FBN2: variants seen among roughly 807,000 people sequenced by gnomAD.
FBN2 encodes fibrillin 2, also known as fibrillin-2.
Under a neutral mutation model 355.6 loss-of-function variants are expected in FBN2, and 105 were observed. The observed-to-expected ratio is 0.30, with a 90% CI of 0.25 to 0.35. FBN2 has a LOEUF of 0.35. FBN2 is among the 10% of genes least tolerant of loss of function. The pLI is 1.00. For synonymous variants in FBN2, 1,350 were observed against 1,301.2 expected, an observed-to-expected ratio of 1.04 and a Z score of -0.81; for missense variants, 3,280 against 3,758.7, an observed-to-expected ratio of 0.87 and a Z score of 3.33.
At chr5:128,278,145 T>C in intron 57 of FBN2, 140 bp from the exon 58 acceptor site, 1 of 825,998 alleles carries the variant, frequency 1.2e-6, no homozygotes, top group Non-Finnish European at 2.0e-6. Context: ...CACCTGTTCA[T>C]CATTCAGGTG....
In FBN2 at chr5:128,276,079, G is replaced by A. The variant is rs776761421; in HGVS notation, c.7553C>T (p.Pro2518Leu). 18 of 1,613,548 alleles carry A rather than the reference G, an allele frequency of 1.1e-5. No individual in the cohort carries two copies. Among genetic ancestry groups the A allele is most frequent in the Non-Finnish European group, 1.4e-5 (16 of 1,179,720 alleles). ...NTEGSYQCSC[P>L]RGYVLQEDGK... ...ATCCTCTTGCAGGACATACCCCCTCGGACATGAACACTGATAACTCCCCTC... is the reference window on the plus strand; with the variant it reads ...ATCCTCTTGCAGGACATACCCCCTCAGACATGAACACTGATAACTCCCCTC... The change falls in exon 59 of 65, where the codon CCG becomes CTG. Residue 2518 changes from proline (P) to leucine (L), a missense_variant. By Grantham distance (98) the Pro-to-Leu change is moderately conservative. This residue lies in a region of FBN2 where 2,284 missense variants were observed against 2,749.5 expected (regional missense o/e 0.83). Coordinates refer to ENST00000262464, the MANE Select transcript of FBN2 (RefSeq NM_001999.4).
chr5:128,273,945 G>C lies in FBN2; in HGVS notation c.7735C>G (p.Pro2579Ala). The change falls in exon 61 of 65, where the codon CCT becomes GCT. Residue 2579 changes from proline to alanine, a missense_variant. Transcript: ENST00000262464. Reference sequence around the variant, plus strand: ...ATTCCCTTTGCTCCACAAAGCGAAGGTTGAGACCCACATTCGTTGTTGTCT... The same window carrying C: ...ATTCCCTTTGCTCCACAAAGCGAAGCTTGAGACCCACATTCGTTGTTGTCT... The part of the protein sequence containing the change: ...CIDNNECGSQ[P>A]SLCGAKGICQ... 1 of 1,613,938 alleles carries C rather than the reference G, an allele frequency of 6.2e-7. No homozygotes were observed. The highest frequency in any genetic ancestry group is 8.5e-7 in the Non-Finnish European group (1 of 1,179,920).
intron 30 of FBN2, 105 bp from the exon 31 acceptor site, chr5:128,334,949 A>G: frequency 8.2e-7 from 1 of 1,223,158 alleles, no homozygotes; most frequent in Non-Finnish European, 1.2e-6. Context: ...GCAAGATCTA[A>G]AATATAATCC....
At chr5:128,303,212 T>C in intron 45 of FBN2, 123 bp from the exon 46 acceptor site, 1 of 687,982 alleles carries the variant, frequency 1.5e-6, no homozygotes, top group Admixed American at 2.3e-5. Flanking sequence ...TAGAAACTCA[T>C]ATCTACTTGA....
At chr5:128,464,202 C>G (rs1242177302) in intron 6 of FBN2, among the ~76,000 whole-genome samples, 1 of 152,050 alleles carries the variant, frequency 6.6e-6, no homozygotes, top group African/African-American at 2.4e-5. Flanking sequence ...TGTCAAAACC[C>G]AGAGATCATG....
chr5:128,394,909 A>T (rs990529504), intron 9 of FBN2, among the ~76,000 whole-genome samples: 2 of 152,068 alleles, frequency 1.3e-5, no homozygotes, highest in East Asian at 3.9e-4. Context: ...CCTCAGTCCC[A>T]CAAGTATCTG....
intron 6 of FBN2, among the ~76,000 whole-genome samples, chr5:128,461,040 A>G (rs1302969935): frequency 6.6e-6 from 1 of 152,236 alleles, no homozygotes; most frequent in African/African-American, 2.4e-5. Context: ...GCACAGCAAA[A>G]GTAACTATCA....
At chr5:128,364,488 C>A (rs914010536) in intron 18 of FBN2, 112 bp downstream of exon 18, 2 of 1,173,758 alleles carry the variant, frequency 1.7e-6, no homozygotes, top group Non-Finnish European at 2.4e-6. Context: ...ATGAAGAAAA[C>A]AAGAAAAACT....
Position 128,276,036 on chromosome 5 carries a change from A to G in FBN2, c.7594+2T>C. On this transcript the variant is annotated splice_donor_variant, in intron 59 of 64. Transcript: ENST00000262464. LOFTEE classifies it high-confidence loss of function. ...CACGATTGTCAGAGACTCTTCACTC[A>G]CCTTTGCATGTCTTTCCATCCTCTT... 1 of 1,613,686 alleles carries G rather than the reference A, an allele frequency of 6.2e-7. No individual in the cohort carries two copies. Among genetic ancestry groups the G allele is most frequent in the Admixed American group, 1.7e-5 (1 of 59,996 alleles).
chr5:128,381,757 T>A (rs1350312554), intron 11 of FBN2, among the ~76,000 whole-genome samples: 1 of 152,106 alleles, frequency 6.6e-6, no homozygotes, highest in East Asian at 1.9e-4. Flanking sequence ...CACCAGGTGG[T>A]ATCAGCTAAG....
chr5:128,375,905 G>A (rs946011648), intron 14 of FBN2, among the ~76,000 whole-genome samples: 6 of 151,996 alleles, frequency 3.9e-5, no homozygotes, highest in African/African-American at 1.4e-4. Flanking sequence ...GGGCATGGGG[G>A]CACATGCATG....
Position 128,361,770 on chromosome 5 carries a change from G to T in FBN2, c.2507C>A (p.Thr836Lys). Residue 836 changes from threonine to lysine, a missense_variant, in exon 19 of 65, where the codon ACG becomes AAG. Coordinates refer to ENST00000262464, the MANE Select transcript of FBN2 (RefSeq NM_001999.4). ...CRNTPGSYSC[T>K]CPPGYVFRTE... Reference sequence around the variant, plus strand: ...CCTGAACACATACCCTGGTGGGCACGTACAGCTGTAACTTCCTGGCGTGTT... The same window carrying T: ...CCTGAACACATACCCTGGTGGGCACTTACAGCTGTAACTTCCTGGCGTGTT... The T allele has an allele frequency of 6.2e-7, 1 of 1,614,030 alleles. No homozygotes were observed. The highest frequency in any genetic ancestry group is 8.5e-7 in the Non-Finnish European group (1 of 1,179,954).
chr5:128,496,046 G>A (rs774534980), intron 5 of FBN2, among the ~76,000 whole-genome samples: 2 of 152,030 alleles, frequency 1.3e-5, no homozygotes, highest in African/African-American at 2.4e-5. Flanking sequence ...CTTAGGGATA[G>A]AGAAACTATC....
chr5:128,328,129 T>C (rs919243928), intron 34 of FBN2: 2 of 166,970 alleles, frequency 1.2e-5, no homozygotes, highest in Non-Finnish European at 2.6e-5. Flanking sequence ...AAATTCTTTT[T>C]CTTGGAAAGA....
intron 7 of FBN2, among the ~76,000 whole-genome samples, chr5:128,433,603 C>T (rs1279406715): frequency 6.6e-6 from 1 of 152,140 alleles, no homozygotes; most frequent in Non-Finnish European, 1.5e-5. Flanking sequence ...AAACCTATAG[C>T]TGAAGAATAT....
chr5:128,266,736 TATGGAATTAACCAACAAGTCC>T lies in FBN2; in HGVS notation c.7961-3101_7961-3081del, dbSNP rs1299798911. 1.7e-4 allele frequency among the ~76,000 whole-genome samples: 26 copies of T among 152,148 alleles called. 1 individual carries two copies. The highest frequency in any genetic ancestry group is 1.7e-3 in the Admixed American group (26 of 15,274). On this transcript the variant is annotated intron_variant, in intron 62 of 64. Coordinates refer to ENST00000262464, the MANE Select transcript of FBN2 (RefSeq NM_001999.4). ...AGAATCATTCTTTTGGATTAAGGTC[TATGGAATTAACCAACAAGTCC>T]ATGGTATTTACTAAATAAAGTGGTG...
At chr5:128,295,112 T>C (rs1749465326) in intron 48 of FBN2, among the ~76,000 whole-genome samples, 6 of 148,606 alleles carry the variant, frequency 4.0e-5, no homozygotes, top group African/African-American at 1.5e-4. Flanking sequence ...CCATTGCTTG[T>C]TTTTCTCAGG....
chr5:128,271,190 A>G (rs1299253860), intron 62 of FBN2, among the ~76,000 whole-genome samples: 1 of 152,236 alleles, frequency 6.6e-6, no homozygotes, highest in Non-Finnish European at 1.5e-5. Flanking sequence ...TAACCTGTGA[A>G]GTAATTTGAA....
rs373894547 is a variant in FBN2 at position 128,304,220 on chromosome 5, T to C, written c.5800+737A>G. 6.0e-4 allele frequency among the ~76,000 whole-genome samples: 92 copies of C among 152,330 alleles called. 1 individual carries two copies. The South Asian group carries it at 0.019, about 31-fold the overall frequency. On this transcript the variant is annotated intron_variant, in intron 45 of 64. Transcript: ENST00000262464. Reference sequence around the variant, plus strand: ...CAAGTTTTAAATTTAATTTTCCCCTTTCAAGTGCAAAGCACAGAAAGAAAA... The same window carrying C: ...CAAGTTTTAAATTTAATTTTCCCCTCTCAAGTGCAAAGCACAGAAAGAAAA...
Sources: allele counts gnomAD v4.1 joint callset (sites outside exome capture counted in the v4.1 genomes callset), GRCh38; gene constraint gnomAD v4.1.1; regional missense constraint gnomAD v4.1.1; transcripts MANE v1.5; gene names NCBI Gene and HGNC (gene_info 2026-07-23, HGNC 2026-07-21).